The following MECOM variants were observed in gnomAD, a reference collection of about 807,000 sequenced individuals.
The protein encoded by MECOM is MDS1 and EVI1 complex locus.
Under a neutral mutation model 116.3 loss-of-function variants are expected in MECOM, and 13 were observed. The observed-to-expected ratio is 0.11, with a 90% CI of 0.07 to 0.18. The LOEUF (loss-of-function observed/expected upper bound fraction) is 0.18. Ranked by LOEUF, MECOM falls within the 10% of genes least tolerant of loss-of-function variation. The pLI is 1.00. For missense variants in MECOM, 1,299 were observed against 1,509.0 expected (o/e 0.86, Z 2.31); for synonymous variants, 528 against 535.2 (o/e 0.99, Z 0.19).
At chr3:169,464,342 A>G (rs912651819) in intron 1 of MECOM, among the ~76,000 whole-genome samples, 1 of 152,198 alleles carries the variant, frequency 6.6e-6, no homozygotes, top group Non-Finnish European at 1.5e-5. Context: ...TGTAAAACAT[A>G]TCTCTGTGAT....
In MECOM at chr3:169,116,622, G is replaced by A. The variant is rs1260144549; in HGVS notation, c.1250C>T (p.Thr417Met). ...CCTCCTGTGTTTATTTAAGGAAGACGTAGTGCTGAACATTTGTCCACAGTC... is the reference window on the plus strand; with the variant it reads ...CCTCCTGTGTTTATTTAAGGAAGACATAGTGCTGAACATTTGTCCACAGTC... The part of the protein sequence containing the change: ...CKDCGQMFST[T>M]SSLNKHRRFC... Residue 417 changes from threonine (T) to methionine (M), a missense_variant, in exon 8 of 17, where the codon ACG becomes ATG. Physicochemically the swap from Thr to Met is moderately conservative, Grantham distance 81 (BLOSUM62 -1). This residue lies in a region of MECOM where 42 missense variants were observed against 103.9 expected (regional missense o/e 0.40). Coordinates refer to ENST00000651503, the MANE Select transcript of MECOM (RefSeq NM_004991.4). 1.9e-6 allele frequency: 3 copies of A among 1,614,050 alleles called. No individual in the cohort carries two copies. The highest frequency in any genetic ancestry group is 1.7e-6 in the Non-Finnish European group (2 of 1,180,022).
intron 1 of MECOM, among the ~76,000 whole-genome samples, chr3:169,621,277 T>C (rs1254499475): frequency 1.3e-5 from 2 of 152,222 alleles, no homozygotes; most frequent in African/African-American, 4.8e-5. Context: ...ATCTATAGAA[T>C]GGGCATATTA....
chr3:169,292,691 A>T (rs1016989727), intron 2 of MECOM, among the ~76,000 whole-genome samples: 10 of 152,122 alleles, frequency 6.6e-5, no homozygotes, highest in Non-Finnish European at 1.3e-4. Flanking sequence ...TGGGAAGGGG[A>T]GGGTGAATTC....
intron 1 of MECOM, among the ~76,000 whole-genome samples, chr3:169,477,892 A>G (rs897380942): frequency 6.6e-6 from 1 of 152,248 alleles, no homozygotes; most frequent in African/African-American, 2.4e-5. Flanking sequence ...AGCACAGGAT[A>G]GTCCTACCAC....
At chr3:169,448,612 G>A (rs1745046415) in intron 1 of MECOM, among the ~76,000 whole-genome samples, 2 of 152,148 alleles carry the variant, frequency 1.3e-5, no homozygotes, top group South Asian at 2.1e-4. Context: ...CCACAGGAGT[G>A]TGCATGTGAG....
intron 3 of MECOM, among the ~76,000 whole-genome samples, chr3:169,138,847 A>AT (rs374365857): frequency 4.6e-5 from 7 of 152,096 alleles, no homozygotes; most frequent in African/African-American, 9.6e-5. Flanking sequence ...AGGAAAGTGG[A>AT]TTTTTTTTCA....
intron 1 of MECOM, among the ~76,000 whole-genome samples, chr3:169,648,807 T>TA (rs1448441418): frequency 6.6e-6 from 1 of 152,192 alleles, no homozygotes; most frequent in Non-Finnish European, 1.5e-5. Flanking sequence ...TTCTACTGGA[T>TA]AAAAATTGAA....
At chr3:169,273,819 T>C (rs1476443223) in intron 2 of MECOM, among the ~76,000 whole-genome samples, 5 of 151,794 alleles carry the variant, frequency 3.3e-5, no homozygotes, top group Non-Finnish European at 7.4e-5. Flanking sequence ...GATGGTTTTG[T>C]CCCTGTGTGC....
At chr3:169,431,735 G>A (rs527830166) in intron 1 of MECOM, among the ~76,000 whole-genome samples, 1 of 152,310 alleles carries the variant, frequency 6.6e-6, no homozygotes, top group East Asian at 1.9e-4. Context: ...AGATTCTCCT[G>A]TTTGGGGTTC....
chr3:169,204,277 C>T (rs1300746194), intron 2 of MECOM, among the ~76,000 whole-genome samples: 1 of 152,184 alleles, frequency 6.6e-6, no homozygotes, highest in Non-Finnish European at 1.5e-5. Flanking sequence ...AACTTTACAG[C>T]TGGAAAGGAA....
At chr3:169,555,192 C>T (rs1761880127) in intron 1 of MECOM, among the ~76,000 whole-genome samples, 1 of 152,168 alleles carries the variant, frequency 6.6e-6, no homozygotes, top group African/African-American at 2.4e-5. Flanking sequence ...CCTATTTGTT[C>T]CTTCCTTCCT....
At chr3:169,283,401 C>T (rs78206911) in intron 2 of MECOM, among the ~76,000 whole-genome samples, 7,152 of 143,546 alleles carry the variant, frequency 0.05, 374 homozygotes, top group African/African-American at 0.14. Context: ...GGTGACAGAA[C>T]AAGACCCCAT....
At chr3:169,576,828 C>G (rs998599863) in intron 1 of MECOM, among the ~76,000 whole-genome samples, 19 of 116,520 alleles carry the variant, frequency 1.6e-4, no homozygotes, top group South Asian at 1.2e-3. Context: ...CACACACACA[C>G]ACACACACAC....
intron 2 of MECOM, among the ~76,000 whole-genome samples, chr3:169,304,690 A>G (rs1577654166): frequency 1.3e-5 from 2 of 152,230 alleles, no homozygotes; most frequent in South Asian, 2.1e-4. Flanking sequence ...CTTTGAAAAC[A>G]TTGTTACCAT....
rs1335422879 is a variant in MECOM, at chr3:169,121,078, G to A, written c.1110C>T (p.His370=). ...SSGLKQHKHI[H]SSVKPFICEV... ...TACAGATAAAGGGCTTCACACTGCT[G>A]TGGATGTGCTTGTGTTGTTTGAGGC... Residue 370 remains histidine, a synonymous_variant, in exon 7 of 17, where the codon CAC becomes CAT. Coordinates refer to ENST00000651503, the MANE Select transcript of MECOM (RefSeq NM_004991.4). 3 of 1,612,816 alleles carry A rather than the reference G, an allele frequency of 1.9e-6. No individual in the cohort carries two copies. The African/African-American group carries it at 4.0e-5, about 22-fold the overall frequency.
chr3:169,315,234 C>T (rs561339879), intron 2 of MECOM, among the ~76,000 whole-genome samples: 3 of 152,172 alleles, frequency 2.0e-5, no homozygotes, highest in Admixed American at 2.0e-4. Flanking sequence ...CTGAGAAGGG[C>T]GGCAGGGGAG....
At position 169,320,478 on chromosome 3, in the gene MECOM, C is replaced by T. The variant is rs116099071; in HGVS notation, c.375+60709G>A. 1.7e-3 allele frequency among the ~76,000 whole-genome samples: 255 copies of T among 152,212 alleles called. 1 individual carries two copies. The highest frequency in any genetic ancestry group is 6.0e-3 in the African/African-American group (250 of 41,538). ...AGAGGTATAGTTGGTCAGGAGGAAA[C>T]GGTAATTAAAGACTAACCCTTTCCC... is the stretch of plus-strand genomic sequence containing the variant. On this transcript the variant is annotated intron_variant, in intron 2 of 16. Coordinates refer to ENST00000651503, the MANE Select transcript of MECOM (RefSeq NM_004991.4).
chr3:169,512,130 G>T (rs1207390485), intron 1 of MECOM, among the ~76,000 whole-genome samples: 2 of 152,108 alleles, frequency 1.3e-5, no homozygotes, highest in Non-Finnish European at 2.9e-5. Flanking sequence ...CAATCTGTTC[G>T]ACAGGCCATC....
intron 1 of MECOM, among the ~76,000 whole-genome samples, chr3:169,502,222 C>A (rs1754628004): frequency 6.6e-6 from 1 of 152,116 alleles, no homozygotes. Context: ...AAGCTGGCAG[C>A]CTTGCCAAAT....
Sources: gnomAD v4.1 joint callset for allele counts (sites outside exome capture counted in the v4.1 genomes callset) on GRCh38, gnomAD v4.1.1 for gene constraint, gnomAD v4.1.1 regional missense constraint, MANE v1.5 for transcripts, NCBI Gene and HGNC (gene_info 2026-07-23, HGNC 2026-07-21) for gene names.